AGBL4: variants seen among roughly 807,000 people sequenced by gnomAD.
AGBL4 encodes cytosolic carboxypeptidase 6.
Under a neutral mutation model 66.4 loss-of-function variants are expected in AGBL4, and 58 were observed. That is an observed-to-expected ratio of 0.87 (90% CI 0.71 to 1.09). The LOEUF is 1.09. Among genes scored for constraint, AGBL4 ranks in the 50% least tolerant of loss-of-function variants. AGBL4 has a pLI of 0.00. For missense variants in AGBL4, 579 were observed against 631.0 expected, an observed-to-expected ratio of 0.92 and a Z score of 0.88; for synonymous variants, 234 against 222.9, an observed-to-expected ratio of 1.05 and a Z score of -0.44.
chr1:48,872,516 G>A (rs973551053), intron 5 of AGBL4, among the ~76,000 whole-genome samples: 22 of 152,238 alleles, frequency 1.4e-4, no homozygotes, highest in Admixed American at 1.4e-3. Flanking sequence ...AGTTTGAAAA[G>A]CCCAGCTACT....
intron 2 of AGBL4, among the ~76,000 whole-genome samples, chr1:49,766,051 T>C (rs1652709037): frequency 1.3e-5 from 2 of 152,214 alleles, no homozygotes; most frequent in Non-Finnish European, 2.9e-5. Flanking sequence ...CTAATCTTGC[T>C]ACAGAGGTAG....
chr1:49,885,414 T>C (rs1406656458), intron 1 of AGBL4, among the ~76,000 whole-genome samples: 1 of 151,948 alleles, frequency 6.6e-6, no homozygotes, highest in African/African-American at 2.4e-5. Context: ...AGCTTCTTCC[T>C]AGCATTTTAT....
chr1:49,128,762 T>A (rs563934721), intron 4 of AGBL4, among the ~76,000 whole-genome samples: 1 of 152,110 alleles, frequency 6.6e-6, no homozygotes, highest in South Asian at 2.1e-4. Flanking sequence ...CTGTAAAATT[T>A]CTGGAAGAAC....
At position 49,485,313 on chromosome 1, in the gene AGBL4, T is replaced by C. The variant is rs1305362419; in HGVS notation, c.282+212000A>G. 4.0e-5 allele frequency among the ~76,000 whole-genome samples: 6 copies of C among 151,756 alleles called. No homozygotes were observed. The East Asian group carries it at 1.2e-3, about 29-fold the overall frequency. ...TGAGTTCATGTCCTTTGTAGGAACA[T>C]GGATGAAGCTGGAAATCATCATTCT... is the stretch of plus-strand genomic sequence containing the variant. On this transcript the variant is annotated intron_variant, in intron 3 of 13. Coordinates refer to ENST00000371839, the MANE Select transcript of AGBL4 (RefSeq NM_032785.4).
At chr1:48,783,363 AAT>A (rs1645341118) in intron 6 of AGBL4, among the ~76,000 whole-genome samples, 1 of 152,220 alleles carries the variant, frequency 6.6e-6, no homozygotes, top group East Asian at 1.9e-4. Context: ...AGGGGAAGAG[AAT>A]AGCAATGCAG....
chr1:49,503,141 C>T (rs1386146748), intron 3 of AGBL4, among the ~76,000 whole-genome samples: 1 of 152,004 alleles, frequency 6.6e-6, no homozygotes, highest in African/African-American at 2.4e-5. Flanking sequence ...TGTGTCCCAG[C>T]CACTCCAGCC....
chr1:49,372,667 C>CTT (rs372201265), intron 3 of AGBL4, among the ~76,000 whole-genome samples: 2 of 74,432 alleles, frequency 2.7e-5, no homozygotes, highest in Non-Finnish European at 6.0e-5. Context: ...TTCTTTCTTT[C>CTT]TTTCTTTCTT....
chr1:49,082,811 A>T (rs1262792423), intron 4 of AGBL4, among the ~76,000 whole-genome samples: 1 of 152,216 alleles, frequency 6.6e-6, no homozygotes, highest in East Asian at 1.9e-4. Context: ...CATCTGAAAC[A>T]AGGCAAGTCC....
intron 4 of AGBL4, chr1:49,175,137 T>A (rs1046218624): frequency 6.6e-6 from 1 of 152,012 alleles, no homozygotes; most frequent in Non-Finnish European, 1.5e-5. Context: ...GAGTTGAGAT[T>A]TTTCTAAGAA....
intron 1 of AGBL4, among the ~76,000 whole-genome samples, chr1:50,022,424 A>G (rs1434831215): frequency 6.6e-6 from 1 of 152,192 alleles, no homozygotes; most frequent in Non-Finnish European, 1.5e-5. Flanking sequence ...GAATAAAGGA[A>G]TAAGCCTGTT....
chr1:48,787,275 A>G (rs983657364), intron 6 of AGBL4, among the ~76,000 whole-genome samples: 4 of 152,124 alleles, frequency 2.6e-5, no homozygotes, highest in Non-Finnish European at 4.4e-5. Context: ...TTCATCCTCA[A>G]AGGGTCATAT....
At chr1:49,742,196 A>G (rs1321610544) in intron 2 of AGBL4, among the ~76,000 whole-genome samples, 2 of 150,932 alleles carry the variant, frequency 1.3e-5, no homozygotes, top group African/African-American at 4.8e-5. Context: ...AAGCAACTTC[A>G]GCAAAGTCTC....
intron 3 of AGBL4, among the ~76,000 whole-genome samples, chr1:49,615,543 G>GT (rs1164195659): frequency 1.2e-4 from 18 of 152,084 alleles, no homozygotes; most frequent in Non-Finnish European, 2.9e-5. Flanking sequence ...ACAGTTTGTA[G>GT]TTAATTCCTG....
At chr1:49,285,535 G>A (rs1644383903) in intron 3 of AGBL4, among the ~76,000 whole-genome samples, 1 of 151,994 alleles carries the variant, frequency 6.6e-6, no homozygotes, top group African/African-American at 2.4e-5. Context: ...TAGAACAGAA[G>A]GAAATAGAGA....
chr1:48,653,958 A>G (rs1303174452), intron 7 of AGBL4, among the ~76,000 whole-genome samples: 1 of 152,102 alleles, frequency 6.6e-6, no homozygotes, highest in East Asian at 1.9e-4. Flanking sequence ...CATTTTAGCC[A>G]AAGTCACATG....
intron 5 of AGBL4, among the ~76,000 whole-genome samples, chr1:48,879,049 G>A (rs1381795214): frequency 3.3e-5 from 5 of 152,202 alleles, no homozygotes; most frequent in Non-Finnish European, 7.4e-5. Flanking sequence ...TGGGACAGAA[G>A]GTATTGTTGC....
chr1:48,534,133 A>G lies in AGBL4; in HGVS notation c.*40T>C. The G allele has an allele frequency of 6.4e-7, 1 of 1,551,320 alleles. No homozygotes were observed. Among genetic ancestry groups the G allele is most frequent in the Non-Finnish European group, 8.7e-7 (1 of 1,146,706 alleles). On this transcript the variant is annotated 3_prime_UTR_variant, in exon 14 of 14. Transcript: ENST00000371839. ...AATTTCATTCCCCAGCAGAAAATGC[A>G]TGCTCCTGTCCCCATAAGACCTCCC...
chr1:48,950,962 C>G (rs894465336), intron 5 of AGBL4, among the ~76,000 whole-genome samples: 1 of 152,122 alleles, frequency 6.6e-6, no homozygotes, highest in South Asian at 2.1e-4. Context: ...AGCCTTTTCT[C>G]AGGAACCTCA....
intron 4 of AGBL4, among the ~76,000 whole-genome samples, chr1:49,194,855 T>G (rs1181773915): frequency 6.6e-6 from 1 of 151,836 alleles, no homozygotes; most frequent in Non-Finnish European, 1.5e-5. Flanking sequence ...TTTTTTTTTT[T>G]GAGTCAGGGT....
Sources: gnomAD v4.1 joint callset for allele counts (sites outside exome capture counted in the v4.1 genomes callset) on GRCh38, gnomAD v4.1.1 for gene constraint, MANE v1.5 for transcripts, NCBI Gene and HGNC (gene_info 2026-07-23, HGNC 2026-07-21) for gene names.